Variants in PRCC observed in about 807,000 individuals in gnomAD.
PRCC encodes proline-rich protein PRCC.
In PRCC, 10 loss-of-function variants were observed where a neutral mutation model predicts 44.0. That is an observed-to-expected ratio of 0.23 (90% confidence interval 0.14 to 0.39). The LOEUF is 0.39. Ranked by LOEUF, PRCC falls within the 10% of genes least tolerant of loss-of-function variation. The probability of loss-of-function intolerance (pLI) is 1.00; values close to 1 mark genes in which losing one functional copy is unlikely to be tolerated. For synonymous variants in PRCC, 278 were observed against 259.5 expected (o/e 1.07, Z -0.69); for missense variants, 573 against 624.7 (o/e 0.92, Z 0.88).
chr1:156,789,690 G>A (rs1054589222), intron 3 of PRCC, among the ~76,000 whole-genome samples: 1 of 152,148 alleles, frequency 6.6e-6, no homozygotes, highest in Non-Finnish European at 1.5e-5. Context: ...AGCTGAGTTT[G>A]GGCAAGTTAC....
chr1:156,769,162 A>G (rs1651530686), intron 1 of PRCC, among the ~76,000 whole-genome samples: 1 of 152,238 alleles, frequency 6.6e-6, no homozygotes, highest in African/African-American at 2.4e-5. Context: ...TCAGACTCCC[A>G]GCTCTGCCTA....
rs1651497976 is a variant in PRCC at position 156,768,356 on chromosome 1, C to T, written c.468+117C>T. On this transcript the variant is annotated intron_variant, in intron 1 of 6. Coordinates refer to ENST00000271526, the MANE Select transcript of PRCC (RefSeq NM_005973.5). Reference sequence around the variant, plus strand: ...AAACGCATCCGTGGATTCAAGGCCACTGGAATCCTCTTATAATGCGATTAA... The same window carrying T: ...AAACGCATCCGTGGATTCAAGGCCATTGGAATCCTCTTATAATGCGATTAA... The T allele has an allele frequency of 1.0e-5, 11 of 1,084,000 alleles. No individual in the cohort carries two copies. In the South Asian group the frequency reaches 1.1e-4, roughly 11 times the overall value. 67.1% of individuals were successfully genotyped at this position (1,084,000 alleles called of 1,614,324 possible). A position where few individuals can be genotyped will look rare whatever the true frequency, so the allele number is the denominator to read the frequency against.
At chr1:156,787,352 T>TAC (rs1652291032) in intron 3 of PRCC, among the ~76,000 whole-genome samples, 178 bp downstream of exon 3, 1 of 151,944 alleles carries the variant, frequency 6.6e-6, no homozygotes, top group Non-Finnish European at 1.5e-5. Context: ...GCCCAAGTCT[T>TAC]AAAGTGTGAC....
chr1:156,799,584 T>A (rs1017284746), intron 6 of PRCC, among the ~76,000 whole-genome samples: 1 of 152,210 alleles, frequency 6.6e-6, no homozygotes, highest in Admixed American at 6.5e-5. Context: ...TTCACCTTCC[T>A]TTCAGGAACT....
chr1:156,768,271 T>TC, intron 1 of PRCC, 32 bp downstream of exon 1: 1 of 1,534,028 alleles, frequency 6.5e-7, no homozygotes, highest in Non-Finnish European at 8.7e-7. Context: ...CCCCAAACTG[T>TC]CCATCGGGTT....
intron 1 of PRCC, among the ~76,000 whole-genome samples, chr1:156,779,772 G>GGT (rs991960413): frequency 4.6e-5 from 7 of 151,538 alleles, no homozygotes; most frequent in African/African-American, 1.7e-4. Flanking sequence ...AGAGGTGGGG[G>GGT]GGTCTCACTA....
chr1:156,768,265 A>G (rs1240676548), intron 1 of PRCC, 26 bp downstream of exon 1: 2 of 1,535,752 alleles, frequency 1.3e-6, no homozygotes, highest in Admixed American at 2.0e-5. Flanking sequence ...AGGCACCCCC[A>G]AACTGTCCAT....
chr1:156,787,077 C>T lies in PRCC; in HGVS notation c.986C>T (p.Ser329Leu), dbSNP rs750901850. The change falls in exon 3 of 7, where the codon TCA becomes TTA. Residue 329 changes from serine to leucine, a missense_variant. Around this residue, in one of 4 missense-constraint regions of PRCC, gnomAD observed 141 missense variants for 130.2 expected, o/e 1.08. Transcript: ENST00000271526. ...CTTGAATTCAAGATGGCAGCAGGTT[C>T]AAGTGGGGCCCCTTGGATGCCTAAG... Reference protein sequence around the residue: ...APLEFKMAAGSSGAPWMPKPG... With the variant: ...APLEFKMAAGLSGAPWMPKPG... 1 of 1,614,166 alleles carries T rather than the reference C, an allele frequency of 6.2e-7. No homozygotes were observed. The highest frequency in any genetic ancestry group is 8.5e-7 in the Non-Finnish European group (1 of 1,180,012).
chr1:156,800,304 A>G (rs1652792232), intron 6 of PRCC, 70 bp from the exon 7 acceptor site: 1 of 1,439,376 alleles, frequency 6.9e-7, no homozygotes, highest in African/African-American at 1.4e-5. Flanking sequence ...TGGGAAGCTC[A>G]CAGAGGCAAG....
chr1:156,767,882 C>T lies in PRCC; in HGVS notation c.111C>T (p.Gly37=). 6.2e-7 allele frequency: 1 copy of T among 1,604,806 alleles called. No individual in the cohort carries two copies. ...CTACATCTGGGCCCGCTTTAGGGGG[C>T]TTGTTCGCTTCTCTCCCTGCGCCCA... ...VAPTSGPALG[G]LFASLPAPKG... Residue 37 remains glycine (G), a synonymous_variant, in exon 1 of 7, where the codon GGC becomes GGT. Coordinates refer to ENST00000271526, the MANE Select transcript of PRCC (RefSeq NM_005973.5).
chr1:156,785,973 G>A (rs1652231390), intron 2 of PRCC, among the ~76,000 whole-genome samples: 1 of 152,004 alleles, frequency 6.6e-6, no homozygotes, highest in African/African-American at 2.4e-5. Context: ...CACCATGCCT[G>A]GCTAATTTTT....
At chr1:156,792,152 T>C (rs1652508445) in intron 4 of PRCC, among the ~76,000 whole-genome samples, 1 of 147,346 alleles carries the variant, frequency 6.8e-6, no homozygotes, top group Non-Finnish European at 1.5e-5. Flanking sequence ...CCTTCTGCCT[T>C]GGTCTCCCAA....
Position 156,767,935 on chromosome 1 carries a change from C to T in PRCC, c.164C>T (p.Pro55Leu), listed in dbSNP as rs926376164. The change falls in exon 1 of 7, where the codon CCT becomes CTT. Residue 55 changes from proline to leucine, a missense_variant. Transcript: ENST00000271526. ...PKGPALLPPPPQMLAPAFPPP... is the reference protein window; with the variant it reads ...PKGPALLPPPLQMLAPAFPPP... ...GGTCCGGCCTTGCTGCCTCCGCCCCCTCAGATGCTGGCGCCAGCCTTTCCC... is the reference window on the plus strand; with the variant it reads ...GGTCCGGCCTTGCTGCCTCCGCCCCTTCAGATGCTGGCGCCAGCCTTTCCC... 2 of 1,592,960 alleles carry T rather than the reference C, an allele frequency of 1.3e-6. No individual in the cohort carries two copies. Among genetic ancestry groups the T allele is most frequent in the Non-Finnish European group, 1.7e-6 (2 of 1,170,126 alleles).
chr1:156,798,707 T>G (rs192285741), intron 6 of PRCC, among the ~76,000 whole-genome samples: 8 of 151,754 alleles, frequency 5.3e-5, no homozygotes, highest in African/African-American at 1.5e-4. Context: ...ATACAAAAAA[T>G]TAGCCAGGCG....
intron 1 of PRCC, among the ~76,000 whole-genome samples, chr1:156,773,014 C>G (rs1030777349): frequency 1.5e-4 from 23 of 152,006 alleles, no homozygotes; most frequent in Non-Finnish European, 7.4e-5. Flanking sequence ...AGCCAGAAAG[C>G]AGAAAGCAAT....
At chr1:156,785,761 G>A (rs1329051753) in intron 2 of PRCC, among the ~76,000 whole-genome samples, 4 of 151,498 alleles carry the variant, frequency 2.6e-5, no homozygotes, top group Non-Finnish European at 5.9e-5. Context: ...CGTCATTAGC[G>A]CTGCTGAGGG....
intron 6 of PRCC, among the ~76,000 whole-genome samples, chr1:156,799,154 T>C (rs1051772961): frequency 1.3e-5 from 2 of 152,256 alleles, no homozygotes; most frequent in African/African-American, 4.8e-5. Flanking sequence ...TATTTGTGTG[T>C]GTACATTTTG....
intron 1 of PRCC, among the ~76,000 whole-genome samples, chr1:156,772,341 C>T (rs2102752498): frequency 6.6e-6 from 1 of 152,306 alleles, no homozygotes; most frequent in Admixed American, 6.5e-5. Context: ...GTCATATTAT[C>T]CAATCATCTG....
chr1:156,782,448 C>T, intron 2 of PRCC, 119 bp downstream of exon 2: 2 of 881,740 alleles, frequency 2.3e-6, no homozygotes, highest in South Asian at 3.8e-5. Flanking sequence ...TATTTGAGGA[C>T]TATTTAGGTT....
Sources: gnomAD v4.1 joint callset for allele counts (sites outside exome capture counted in the v4.1 genomes callset) on GRCh38, gnomAD v4.1.1 for gene constraint, gnomAD v4.1.1 regional missense constraint, MANE v1.5 for transcripts, NCBI Gene and HGNC (gene_info 2026-07-23, HGNC 2026-07-21) for gene names.